ZNF385D: variants seen among roughly 807,000 people sequenced by gnomAD.
The protein encoded by ZNF385D is zinc finger protein 385D.
In ZNF385D, 15 loss-of-function variants were observed where a neutral mutation model predicts 35.8. The ratio of observed to expected loss-of-function variants is 0.42; its 90% CI spans 0.28 to 0.64. The LOEUF is 0.64. Ranked by LOEUF, ZNF385D falls within the 30% of genes least tolerant of loss-of-function variation. The probability of loss-of-function intolerance (pLI) is 0.23; values close to 1 mark genes in which losing one functional copy is unlikely to be tolerated. For missense variants in ZNF385D, 474 were observed against 494.6 expected, an observed-to-expected ratio of 0.96 and a Z score of 0.39; for synonymous variants, 212 against 186.8, an observed-to-expected ratio of 1.13 and a Z score of -1.10.
chr3:21,716,708 T>C (rs192638807), intron 1 of ZNF385D, among the ~76,000 whole-genome samples: 2 of 152,314 alleles, frequency 1.3e-5, no homozygotes, highest in East Asian at 3.9e-4. Context: ...TCATACAGCA[T>C]AGAGAACACT....
chr3:21,738,580 T>C (rs918837502), intron 1 of ZNF385D, among the ~76,000 whole-genome samples: 1 of 152,162 alleles, frequency 6.6e-6, no homozygotes. Flanking sequence ...CTCAGGACAA[T>C]TCACCCAAAT....
At chr3:22,041,781 T>C (rs1225911658) in intron 3 of ZNF385D, among the ~76,000 whole-genome samples, 1 of 152,088 alleles carries the variant, frequency 6.6e-6, no homozygotes, top group Non-Finnish European at 1.5e-5. Context: ...CAATTGAGAT[T>C]TATAAATGTG....
rs143202901 is a variant in ZNF385D at position 22,060,222 on chromosome 3, T to C, written c.325+108595A>G. 1.1e-3 allele frequency among the ~76,000 whole-genome samples: 174 copies of C among 152,328 alleles called. 6 individuals carry two copies. In the East Asian group the frequency reaches 0.032, roughly 28 times the overall value. On this transcript the variant is annotated intron_variant, in intron 3 of 5. Transcript: ENST00000494108. ...CTTGCAGATGACAGATTTTGGATCT[T>C]GTCAGCCTTCATAATTATGTGAGCC...
chr3:22,245,827 C>T (rs1255119431), intron 2 of ZNF385D, among the ~76,000 whole-genome samples: 1 of 151,982 alleles, frequency 6.6e-6, no homozygotes, highest in Non-Finnish European at 1.5e-5. Flanking sequence ...CTTCCTGGGA[C>T]AGATTGGAAA....
chr3:22,296,509 G>C (rs1702587257), intron 2 of ZNF385D, among the ~76,000 whole-genome samples: 1 of 152,100 alleles, frequency 6.6e-6, no homozygotes, highest in South Asian at 2.1e-4. Flanking sequence ...AGCAGAATTG[G>C]ACAGGGAACG....
intron 3 of ZNF385D, among the ~76,000 whole-genome samples, chr3:22,049,677 G>A (rs548723359): frequency 1.6e-4 from 25 of 152,152 alleles, no homozygotes; most frequent in Non-Finnish European, 2.6e-4. Flanking sequence ...TTATTGTGTC[G>A]AAATAGATTC....
intron 3 of ZNF385D, among the ~76,000 whole-genome samples, chr3:21,893,761 A>T (rs998508925): frequency 6.6e-6 from 1 of 152,208 alleles, no homozygotes; most frequent in African/African-American, 2.4e-5. Flanking sequence ...AACTCAGAGA[A>T]TTAAAAAAGA....
chr3:22,230,341 C>A (rs1337081194), intron 2 of ZNF385D, among the ~76,000 whole-genome samples: 1 of 152,098 alleles, frequency 6.6e-6, no homozygotes, highest in African/African-American at 2.4e-5. Flanking sequence ...GTTTTTATGG[C>A]CCTTTTCTGG....
At chr3:22,223,287 C>G (rs1190067456) in intron 2 of ZNF385D, among the ~76,000 whole-genome samples, 1 of 152,008 alleles carries the variant, frequency 6.6e-6, no homozygotes, top group Non-Finnish European at 1.5e-5. Context: ...TTCGTGTTTT[C>G]TCTATCTCGG....
chr3:22,141,343 A>C (rs1201966944), intron 3 of ZNF385D, among the ~76,000 whole-genome samples: 1 of 152,180 alleles, frequency 6.6e-6, no homozygotes, highest in Non-Finnish European at 1.5e-5. Flanking sequence ...TCATCTTATA[A>C]ATAGAGCAAA....
At chr3:21,996,400 C>G (rs1050322726) in intron 3 of ZNF385D, among the ~76,000 whole-genome samples, 1 of 152,282 alleles carries the variant, frequency 6.6e-6, no homozygotes, top group Admixed American at 6.5e-5. Flanking sequence ...GCCTCAGAGG[C>G]TCCCTGTCAC....
chr3:21,787,330 GACTC>G (rs1232242960), intron 3 of ZNF385D, among the ~76,000 whole-genome samples: 1 of 152,122 alleles, frequency 6.6e-6, no homozygotes, highest in Non-Finnish European at 1.5e-5. Flanking sequence ...GGACTTCGAA[GACTC>G]ACTAAGTGGG....
intron 3 of ZNF385D, chr3:21,562,060 C>T (rs2062968897): frequency 1.4e-5 from 1 of 73,636 alleles, no homozygotes; most frequent in Non-Finnish European, 2.3e-5. Context: ...CTCCAAATAC[C>T]TTGGCCATGT....
chr3:21,810,312 G>C (rs1343567423), intron 3 of ZNF385D, among the ~76,000 whole-genome samples: 2 of 144,014 alleles, frequency 1.4e-5, no homozygotes, highest in South Asian at 2.3e-4. Flanking sequence ...TACCATTCAC[G>C]ATAAAAAGAA....
At chr3:21,518,822 G>A (rs550192478) in intron 3 of ZNF385D, among the ~76,000 whole-genome samples, 1 of 152,166 alleles carries the variant, frequency 6.6e-6, no homozygotes, top group South Asian at 2.1e-4. Context: ...TTACTGCTGT[G>A]AAGACAAATT....
intron 2 of ZNF385D, among the ~76,000 whole-genome samples, chr3:21,570,304 C>G (rs1196360499): frequency 6.6e-6 from 1 of 152,158 alleles, no homozygotes; most frequent in Non-Finnish European, 1.5e-5. Flanking sequence ...CTCACCTCCC[C>G]TCTGGGGATT....
intron 3 of ZNF385D, among the ~76,000 whole-genome samples, chr3:21,776,461 G>A (rs1357318381): frequency 6.6e-6 from 1 of 151,926 alleles, no homozygotes; most frequent in African/African-American, 2.4e-5. Context: ...AACGACGTAT[G>A]TGTGTGTTAA....
intron 3 of ZNF385D, among the ~76,000 whole-genome samples, chr3:21,983,883 A>T (rs1195251211): frequency 1.6e-3 from 197 of 125,926 alleles, no homozygotes; most frequent in Non-Finnish European, 1.8e-3. Flanking sequence ...GATATCTCAT[A>T]GTGGTTTTGA....
chr3:21,867,105 A>G (rs750740475), intron 3 of ZNF385D, among the ~76,000 whole-genome samples: 2 of 152,128 alleles, frequency 1.3e-5, no homozygotes, highest in South Asian at 2.1e-4. Flanking sequence ...GCCTTGCTGC[A>G]TCATTACATG....
Sources: allele counts gnomAD v4.1 joint callset (sites outside exome capture counted in the v4.1 genomes callset), GRCh38; gene constraint gnomAD v4.1.1; transcripts MANE v1.5; gene names NCBI Gene and HGNC (gene_info 2026-07-23, HGNC 2026-07-21).